KIF1B: variants seen among roughly 807,000 people sequenced by gnomAD.
The protein encoded by KIF1B is kinesin family member 1B, also known as kinesin-like protein KIF1B.
In KIF1B, 76 loss-of-function variants were observed where a neutral mutation model predicts 241.9. The observed-to-expected ratio is 0.31, with a 90% CI of 0.26 to 0.38. KIF1B has a LOEUF of 0.38. Among genes scored for constraint, KIF1B ranks in the 10% least tolerant of loss-of-function variants. The probability of loss-of-function intolerance (pLI) is 1.00; values close to 1 mark genes in which losing one functional copy is unlikely to be tolerated. For missense variants in KIF1B, 1,622 were observed against 2,271.4 expected (o/e 0.71, Z 5.81); for synonymous variants, 750 against 796.7 (o/e 0.94, Z 0.99).
chr1:10,373,896 C>G lies in KIF1B; in HGVS notation c.4947-420C>G, dbSNP rs187074694. 2.6e-5 allele frequency among the ~76,000 whole-genome samples: 4 copies of G among 152,352 alleles called. No individual in the cohort carries two copies. In the East Asian group the frequency reaches 7.7e-4, roughly 29 times the overall value. ...TCGTTCCGTAGGTCTGGCTTGGAGT[C>G]TAAAAATTTGAGTTTTTGAACAGTT... On this transcript the variant is annotated intron_variant, in intron 45 of 48. Coordinates refer to ENST00000676179, the MANE Select transcript of KIF1B (RefSeq NM_001365951.3).
At chr1:10,328,032 A>G (rs951662250) in intron 27 of KIF1B, among the ~76,000 whole-genome samples, 2 of 152,072 alleles carry the variant, frequency 1.3e-5, no homozygotes, top group African/African-American at 4.8e-5. Flanking sequence ...TTGAAAATTT[A>G]AAAAACAATT....
At chr1:10,338,327 A>G (rs556919349) in intron 31 of KIF1B, among the ~76,000 whole-genome samples, 2 of 152,270 alleles carry the variant, frequency 1.3e-5, no homozygotes, top group African/African-American at 4.8e-5. Context: ...AAGCTTTTGT[A>G]TAGGTTTTAT....
chr1:10,257,106 GT>G (rs35578047), intron 3 of KIF1B, among the ~76,000 whole-genome samples: 2,770 of 145,838 alleles, frequency 0.019, 39 homozygotes, highest in Non-Finnish European at 0.028. Flanking sequence ...CAGAGAAATT[GT>G]TTTTTTTTTG....
At chr1:10,335,838 A>G (rs531818441) in intron 28 of KIF1B, among the ~76,000 whole-genome samples, 1 of 129,872 alleles carries the variant, frequency 7.7e-6, no homozygotes, top group South Asian at 2.4e-4. Context: ...TTAAAAAACA[A>G]TTGAAAAAAA....
Position 10,324,755 on chromosome 1 carries a change from T to C in KIF1B, c.2538-3T>C, listed in dbSNP as rs765394037. 30 of 1,613,916 alleles carry C rather than the reference T, an allele frequency of 1.9e-5. No individual in the cohort carries two copies. The East Asian group carries it at 2.2e-4, about 12-fold the overall frequency. On this transcript the variant is annotated splice_region_variant and splice_polypyrimidine_tract_variant and intron_variant, in intron 25 of 48. Coordinates refer to ENST00000676179, the MANE Select transcript of KIF1B (RefSeq NM_001365951.3). Reference sequence around the variant, plus strand: ...CCCAATGTGCTTTGTGTTTACTAAATAGGCAGAGGCTGGATTTGATGCGAG... The same window carrying C: ...CCCAATGTGCTTTGTGTTTACTAAACAGGCAGAGGCTGGATTTGATGCGAG...
At chr1:10,330,493 G>A (rs1010235894) in intron 27 of KIF1B, among the ~76,000 whole-genome samples, 4 of 150,346 alleles carry the variant, frequency 2.7e-5, no homozygotes, top group African/African-American at 9.8e-5. Context: ...AAAAAAAAAG[G>A]TGGCTCCTGT....
rs1652230140 is a variant in KIF1B, at chr1:10,337,647, G to T, written c.3422+114G>T. The T allele has an allele frequency of 3.4e-6, 4 of 1,188,308 alleles. No individual in the cohort carries two copies. The East Asian group carries it at 9.4e-5, about 28-fold the overall frequency. The allele number at this position is 1,188,308 out of a possible 1,614,324, so 73.6% of individuals were successfully genotyped here. A position where few individuals can be genotyped will look rare whatever the true frequency, so the allele number is the denominator to read the frequency against. On this transcript the variant is annotated intron_variant, in intron 31 of 48. Coordinates refer to ENST00000676179, the MANE Select transcript of KIF1B (RefSeq NM_001365951.3). The surrounding 1 kb of genome is among the most constrained non-coding windows in gnomAD (Gnocchi z 4.0). ...GATTAACACTCTTGAGACAAAGACT[G>T]ATCAGTCTCTGAAGGAAAATACTTT... is the stretch of plus-strand genomic sequence containing the variant.
At chr1:10,293,667 C>T (rs1399906410) in intron 17 of KIF1B, among the ~76,000 whole-genome samples, 1 of 152,126 alleles carries the variant, frequency 6.6e-6, no homozygotes, top group East Asian at 1.9e-4. Context: ...GCTGGGATTA[C>T]AGGCATGAGC....
intron 2 of KIF1B, among the ~76,000 whole-genome samples, chr1:10,253,476 T>C (rs533407852): frequency 1.5e-4 from 23 of 152,030 alleles, no homozygotes; most frequent in African/African-American, 5.3e-4. Context: ...CTCCCATCTC[T>C]ACAAAAAAGA....
chr1:10,290,952 A>C, intron 15 of KIF1B, 130 bp from the exon 16 acceptor site: 1 of 687,226 alleles, frequency 1.5e-6, no homozygotes, highest in Non-Finnish European at 2.6e-6. Flanking sequence ...TGTATTAATA[A>C]AAGAAAAATC....
At chr1:10,270,979 T>C (rs930252515) in intron 7 of KIF1B, among the ~76,000 whole-genome samples, 1 of 151,626 alleles carries the variant, frequency 6.6e-6, no homozygotes, top group African/African-American at 2.4e-5. Flanking sequence ...TCCAAAGTGA[T>C]TGTACCATTT....
intron 2 of KIF1B, among the ~76,000 whole-genome samples, chr1:10,235,968 A>G (rs2102137473): frequency 6.6e-6 from 1 of 151,478 alleles, no homozygotes; most frequent in East Asian, 1.9e-4. Flanking sequence ...TGTAAGATTT[A>G]AACTAAACAT....
In KIF1B at chr1:10,337,223, T is replaced by C. The variant is rs201088775; in HGVS notation, c.3259+20T>C. On this transcript the variant is annotated intron_variant, in intron 30 of 48. Transcript: ENST00000676179. The surrounding 1 kb of genome is among the most constrained non-coding windows in gnomAD (Gnocchi z 4.0). ...ACTTGGGTATGTAGACATAGTTTAC[T>C]GTGCTTGGGGACATTTTCGACAAAG... 6 of 1,614,218 alleles carry C rather than the reference T, an allele frequency of 3.7e-6. No homozygotes were observed. The Admixed American group carries it at 1.0e-4, about 27-fold the overall frequency.
At chr1:10,345,680 AC>A (rs1652562553) in intron 34 of KIF1B, 164 bp from the exon 35 acceptor site, 2 of 640,206 alleles carry the variant, frequency 3.1e-6, no homozygotes, top group South Asian at 3.7e-5. Context: ...CTAATAACTT[AC>A]AAAGTTTATA....
intron 36 of KIF1B, 93 bp from the exon 37 acceptor site, chr1:10,348,556 T>C: frequency 1.1e-6 from 1 of 888,632 alleles, no homozygotes; most frequent in East Asian, 2.5e-5. Flanking sequence ...TTCCTGCTCA[T>C]CCCCCATGCC....
intron 15 of KIF1B, among the ~76,000 whole-genome samples, chr1:10,283,258 G>A (rs1026934020): frequency 2.2e-4 from 33 of 148,484 alleles, no homozygotes; most frequent in Non-Finnish European, 4.5e-4. Flanking sequence ...TTGAGTAGCT[G>A]TTCCAGGTTT....
At chr1:10,368,662 T>C (rs888627565) in intron 44 of KIF1B, 124 bp downstream of exon 44, 8 of 809,930 alleles carry the variant, frequency 9.9e-6, no homozygotes, top group Non-Finnish European at 1.5e-5. Flanking sequence ...AGCATTGTAT[T>C]TGAAAATTTA....
At chr1:10,283,883 T>C (rs1283370177) in intron 15 of KIF1B, among the ~76,000 whole-genome samples, 4 of 152,228 alleles carry the variant, frequency 2.6e-5, no homozygotes, top group African/African-American at 7.2e-5. Context: ...CAGTGACACA[T>C]TGACACATTT....
intron 22 of KIF1B, chr1:10,306,929 T>G (rs2102276481): frequency 9.6e-7 from 1 of 1,046,820 alleles, no homozygotes; most frequent in Admixed American, 5.5e-5. Context: ...TACTCTCCAC[T>G]GGTGATTAGG....
Sources: allele counts gnomAD v4.1 joint callset (sites outside exome capture counted in the v4.1 genomes callset), GRCh38; gene constraint gnomAD v4.1.1; non-coding constraint Gnocchi (gnomAD v3.1); transcripts MANE v1.5; gene names NCBI Gene and HGNC (gene_info 2026-07-23, HGNC 2026-07-21).